The following STX1A variants were observed in gnomAD, a reference collection of about 807,000 sequenced individuals.
The protein encoded by STX1A is syntaxin 1A.
Under a neutral mutation model 37.8 loss-of-function variants are expected in STX1A, and 4 were observed. That is an observed-to-expected ratio of 0.11 (90% CI 0.05 to 0.24). The LOEUF is 0.24. Ranked by LOEUF, STX1A falls within the 10% of genes least tolerant of loss-of-function variation. The pLI is 1.00. For missense variants in STX1A, 251 were observed against 399.9 expected (o/e 0.63, Z 3.18); for synonymous variants, 135 against 147.4 (o/e 0.92, Z 0.61).
chr7:73,704,614 G>A (rs1554616540), intron 4 of STX1A, 191 bp from the exon 5 acceptor site: 1 of 660,954 alleles, frequency 1.5e-6, no homozygotes, highest in African/African-American at 1.8e-5. Flanking sequence ...GCTGTGTGGT[G>A]TGTGCATGTG....
intron 1 of STX1A, among the ~76,000 whole-genome samples, chr7:73,719,401 T>C (rs1799414886): frequency 6.6e-6 from 1 of 151,998 alleles, no homozygotes; most frequent in Non-Finnish European, 1.5e-5. Flanking sequence ...GCGGCCGAGC[T>C]CACGCGAGCC....
At chr7:73,719,560 G>C (rs1799421872) in intron 1 of STX1A, 42 bp downstream of exon 1, 2 of 1,204,704 alleles carry the variant, frequency 1.7e-6, no homozygotes, top group African/African-American at 3.2e-5. Context: ...CGTTGGCGCT[G>C]GCGGCGGGCG....
chr7:73,701,982 C>T (rs1798676301), intron 8 of STX1A, among the ~76,000 whole-genome samples: 2 of 152,198 alleles, frequency 1.3e-5, no homozygotes, highest in Admixed American at 1.3e-4. Flanking sequence ...ACCGCAAATT[C>T]CCCAGCACAC....
chr7:73,704,323 C>G (rs1554616468), intron 5 of STX1A, 27 bp downstream of exon 5: 4 of 1,613,958 alleles, frequency 2.5e-6, no homozygotes, highest in Non-Finnish European at 3.4e-6. Context: ...CTCAGGTGCC[C>G]GCCCATCCTA....
chr7:73,703,049 G>T, intron 7 of STX1A, 67 bp from the exon 8 acceptor site: 16 of 1,092,970 alleles, frequency 1.5e-5, no homozygotes, highest in East Asian at 3.0e-5. Flanking sequence ...GGCCGAGGGG[G>T]AGGGCGTTTG....
chr7:73,719,306 C>G (rs1309358079), intron 1 of STX1A, among the ~76,000 whole-genome samples: 1 of 152,192 alleles, frequency 6.6e-6, no homozygotes, highest in Non-Finnish European at 1.5e-5. Context: ...AAAACCCCAT[C>G]ATACCCTCCG....
chr7:73,708,092 C>T (rs747136181), intron 3 of STX1A, among the ~76,000 whole-genome samples: 10 of 147,176 alleles, frequency 6.8e-5, no homozygotes, highest in East Asian at 6.1e-4. Context: ...GGTGAAACCC[C>T]GTCTCTACTA....
chr7:73,705,133 A>T lies in STX1A; in HGVS notation c.283+17T>A. 1 of 1,568,066 alleles carries T rather than the reference A, an allele frequency of 6.4e-7. No homozygotes were observed. Among genetic ancestry groups the T allele is most frequent in the Non-Finnish European group, 8.8e-7 (1 of 1,140,870 alleles). The stretch of plus-strand genomic sequence containing the variant: ...CCTAGAATGCCCCCCACCCACCCCC[A>T]GACAAGCCTGACTCACTCTTTAACT... On this transcript the variant is annotated intron_variant, in intron 4 of 9. Transcript: ENST00000222812. The surrounding 1 kb of genome is among the most constrained non-coding windows in gnomAD (Gnocchi z 5.2).
Position 73,705,269 on chromosome 7 carries a change from G to C in STX1A, c.209-45C>G, listed in dbSNP as rs981062740. 1 of 1,531,046 alleles carries C rather than the reference G, an allele frequency of 6.5e-7. No individual in the cohort carries two copies. Among genetic ancestry groups the C allele is most frequent in the South Asian group, 1.1e-5 (1 of 89,392 alleles). The allele number at this position is 1,531,046 out of a possible 1,614,324, so 94.8% of individuals were successfully genotyped here. ...GGGGGTAGGCCTCCTAGGCTCCGCG[G>C]GGACTGATGTGCAGGCTCAGCCTCC... On this transcript the variant is annotated intron_variant, in intron 3 of 9. Transcript: ENST00000222812. This position sits in a 1 kb window ranked among gnomAD's most constrained non-coding sequence, Gnocchi z 5.2.
Position 73,700,537 on chromosome 7 carries a change from G to T in STX1A, c.790-53C>A, listed in dbSNP as rs1303351517. 2 of 1,598,520 alleles carry T rather than the reference G, an allele frequency of 1.3e-6. No homozygotes were observed. The highest frequency in any genetic ancestry group is 1.7e-6 in the Non-Finnish European group (2 of 1,170,768). ...TCAGACAGTGTTGGCGGCAGGTGGG[G>T]TGGGACTATGGCAAAGGCTGAGGAC... On this transcript the variant is annotated intron_variant, in intron 9 of 9. Transcript: ENST00000222812. This position sits in a 1 kb window ranked among gnomAD's most constrained non-coding sequence, Gnocchi z 4.4.
At chr7:73,710,250 G>GT (rs1799050910) in intron 1 of STX1A, among the ~76,000 whole-genome samples, 1 of 152,250 alleles carries the variant, frequency 6.6e-6, no homozygotes, top group South Asian at 2.1e-4. Context: ...TTCCCAGCAT[G>GT]CTGCGCACAA....
chr7:73,709,160 C>G lies in STX1A; in HGVS notation c.31-38G>C. ...GTGCACACATAAGTGGACGTATGTA[C>G]AGGACCCACCTGTACACACGCAGGT... On this transcript the variant is annotated intron_variant, in intron 1 of 9. Coordinates refer to ENST00000222812, the MANE Select transcript of STX1A (RefSeq NM_004603.4). The surrounding 1 kb of genome is among the most constrained non-coding windows in gnomAD (Gnocchi z 4.2). The G allele has an allele frequency of 1.2e-6, 2 of 1,601,024 alleles. No homozygotes were observed. Among genetic ancestry groups the G allele is most frequent in the South Asian group, 1.1e-5 (1 of 90,940 alleles).
At chr7:73,718,654 GTCGCTGTCC>G (rs782379906) in intron 1 of STX1A, among the ~76,000 whole-genome samples, 55 of 151,874 alleles carry the variant, frequency 3.6e-4, no homozygotes, top group Non-Finnish European at 6.8e-4. Context: ...CTTCATTTCC[GTCGCTGTCC>G]TCCACTCCCG....
At chr7:73,711,156 C>T (rs1799087490) in intron 1 of STX1A, among the ~76,000 whole-genome samples, 1 of 152,092 alleles carries the variant, frequency 6.6e-6, no homozygotes, top group Non-Finnish European at 1.5e-5. Context: ...TGCCACCACA[C>T]CCAGCTACTT....
chr7:73,700,373 C>G lies in STX1A; in HGVS notation c.*34G>C, dbSNP rs1554615641. 6.2e-7 allele frequency: 1 copy of G among 1,609,796 alleles called. No homozygotes were observed. Among genetic ancestry groups the G allele is most frequent in the South Asian group, 1.1e-5 (1 of 90,936 alleles). On this transcript the variant is annotated 3_prime_UTR_variant, in exon 10 of 10. Transcript: ENST00000222812. The surrounding 1 kb of genome is among the most constrained non-coding windows in gnomAD (Gnocchi z 4.4). ...AGCAGCCAGGGCCTCCTTGGAGTGG[C>G]CCACCTGGAGTGGAGTGGCAGTTTG... is the stretch of plus-strand genomic sequence containing the variant.
At chr7:73,718,811 A>T (rs1433893338) in intron 1 of STX1A, among the ~76,000 whole-genome samples, 5 of 151,570 alleles carry the variant, frequency 3.3e-5, no homozygotes, top group African/African-American at 4.9e-5. Context: ...CTCCCCCCAA[A>T]CCCCGCCCCA....
At chr7:73,715,013 T>C (rs1354642688) in intron 1 of STX1A, among the ~76,000 whole-genome samples, 2 of 151,820 alleles carry the variant, frequency 1.3e-5, no homozygotes, top group Non-Finnish European at 2.9e-5. Flanking sequence ...TAATCCCAGC[T>C]ACTCGGTAGG....
At chr7:73,704,101 G>A in intron 6 of STX1A, 47 bp downstream of exon 6, 1 of 1,523,156 alleles carries the variant, frequency 6.6e-7, no homozygotes, top group African/African-American at 1.4e-5. Context: ...CTCGGGCCCC[G>A]CCCCTCCAGG....
chr7:73,704,361 G>A lies in STX1A; in HGVS notation c.346C>T (p.Arg116Trp). Residue 116 changes from arginine to tryptophan, a missense_variant, in exon 5 of 10, where the codon CGG (arginine) becomes TGG (tryptophan). Physicochemically the swap from Arg to Trp is moderately radical, Grantham distance 101. Coordinates refer to ENST00000222812, the MANE Select transcript of STX1A (RefSeq NM_004603.4). ...LNRSSADLRIRKTQHSTLSRK... is the reference protein window; with the variant it reads ...LNRSSADLRIWKTQHSTLSRK... ...CTCCGTGGCCGCACCTGTGTCTTCC[G>A]GATCCTCAGGTCAGCGGAGGAGCGG... The A allele has an allele frequency of 1.2e-6, 2 of 1,614,148 alleles. No individual in the cohort carries two copies. The highest frequency in any genetic ancestry group is 1.7e-6 in the Non-Finnish European group (2 of 1,180,016).
Sources: allele counts gnomAD v4.1 joint callset (sites outside exome capture counted in the v4.1 genomes callset), GRCh38; gene constraint gnomAD v4.1.1; non-coding constraint Gnocchi (gnomAD v3.1); transcripts MANE v1.5; gene names NCBI Gene and HGNC (gene_info 2026-07-23, HGNC 2026-07-21).